The following NAV2 variants were observed in gnomAD, a reference collection of about 807,000 sequenced individuals.
The protein encoded by NAV2 is helicase, APC down-regulated 1.
A neutral mutation model predicts 223.2 loss-of-function variants in NAV2; 54 were observed. The ratio of observed to expected loss-of-function variants is 0.24; its 90% CI spans 0.19 to 0.30. The LOEUF (loss-of-function observed/expected upper bound fraction) is 0.30, where lower values mean the gene tolerates loss of function less well. Ranked by LOEUF, NAV2 falls within the 10% of genes least tolerant of loss-of-function variation. The probability of loss-of-function intolerance (pLI) is 1.00; values close to 1 mark genes in which losing one functional copy is unlikely to be tolerated. For missense variants in NAV2, 2,806 were observed against 3,147.5 expected (o/e 0.89, Z 2.60); for synonymous variants, 1,279 against 1,239.3 (o/e 1.03, Z -0.67).
Position 19,926,062 on chromosome 11 carries a change from C to G in NAV2, c.932-7114C>G, listed in dbSNP as rs370672280. ...CAAGATTGTTTTGATTTTTGGGGGTCCCTTGAGATTCCAATGAATTTTAGG... is the reference window on the plus strand; with the variant it reads ...CAAGATTGTTTTGATTTTTGGGGGTGCCTTGAGATTCCAATGAATTTTAGG... On this transcript the variant is annotated intron_variant, in intron 6 of 37. Transcript: ENST00000349880. 2.7e-4 allele frequency among the ~76,000 whole-genome samples: 41 copies of G among 152,032 alleles called. 1 individual carries two copies. In the South Asian group the frequency reaches 7.9e-3, roughly 29 times the overall value.
In NAV2 at chr11:19,877,471, T is replaced by TTTTTTTTTTCTTTCTTTTTTCTTTTC. The variant is rs1555114911; in HGVS notation, c.512-2389_512-2388insCTTTCTTTTTTCTTTTCTTTTTTTTT. 2.1e-3 allele frequency among the ~76,000 whole-genome samples: 222 copies of TTTTTTTTTTCTTTCTTTTTTCTTTTC among 105,386 alleles called. 6 individuals carry two copies. Among genetic ancestry groups the TTTTTTTTTTCTTTCTTTTTTCTTTTC allele is most frequent in the South Asian group, 0.017 (49 of 2,926 alleles). The allele number at this position is 105,386 out of a possible 152,430, so 69.1% of individuals were successfully genotyped here. A position where few individuals can be genotyped will look rare whatever the true frequency, so the allele number is the denominator to read the frequency against. ...GACCTTGCTTGGCTTATCTTCATTC[T>TTTTTTTTTTCTTTCTTTTTTCTTTTC]TTTTTTTTTTTTTTTTTTTGAGACA... is the stretch of plus-strand genomic sequence containing the variant. On this transcript the variant is annotated intron_variant, in intron 4 of 37. Transcript: ENST00000349880.
intron 1 of NAV2, among the ~76,000 whole-genome samples, chr11:19,415,354 A>G (rs1047968704): frequency 1.3e-5 from 2 of 152,252 alleles, no homozygotes; most frequent in Non-Finnish European, 1.5e-5. Flanking sequence ...GAAGAAATAG[A>G]TAAATTCCTG....
intron 1 of NAV2, among the ~76,000 whole-genome samples, chr11:19,812,057 G>A (rs1258834780): frequency 2.0e-5 from 3 of 152,188 alleles, no homozygotes; most frequent in African/African-American, 7.2e-5. Context: ...CCTTTCCATG[G>A]TCCTGTCCAC....
chr11:19,589,163 T>A (rs567515662), intron 1 of NAV2, among the ~76,000 whole-genome samples: 3 of 152,246 alleles, frequency 2.0e-5, no homozygotes, highest in Non-Finnish European at 4.4e-5. Context: ...ATTTCTTGGA[T>A]CCTAAGATGA....
chr11:19,466,468 C>T (rs1234878244), intron 1 of NAV2, among the ~76,000 whole-genome samples: 1 of 152,188 alleles, frequency 6.6e-6, no homozygotes, highest in African/African-American at 2.4e-5. Context: ...GTGCAGGTGC[C>T]AAAGCCAGCT....
rs1179652380 is a variant in NAV2, at chr11:19,797,367, T to C, written c.268-35117T>C. The stretch of plus-strand genomic sequence containing the variant: ...TTGCCATCCATTTCAGCTGCAGTTA[T>C]GTTCTCCACCTCCTCCCATCCCCAT... On this transcript the variant is annotated intron_variant, in intron 1 of 37. Coordinates refer to ENST00000349880, the MANE Select transcript of NAV2 (RefSeq NM_145117.5). Among the ~76,000 whole-genome samples, 5 of 152,198 alleles carry C rather than the reference T, an allele frequency of 3.3e-5. 1 individual carries two copies. Among genetic ancestry groups the C allele is most frequent in the Admixed American group, 3.3e-4 (5 of 15,278 alleles).
At position 19,914,028 on chromosome 11, in the gene NAV2, C is replaced by T. The variant is rs551551931; in HGVS notation, c.932-19148C>T. On this transcript the variant is annotated intron_variant, in intron 6 of 37. Coordinates refer to ENST00000349880, the MANE Select transcript of NAV2 (RefSeq NM_145117.5). ...GTCAGCTCCTACTAGCACATCAGAGCGAATTTTTTAATTTTCAGGAGTTTT... is the reference window on the plus strand; with the variant it reads ...GTCAGCTCCTACTAGCACATCAGAGTGAATTTTTTAATTTTCAGGAGTTTT... Among the ~76,000 whole-genome samples, 135 of 152,280 alleles carry T rather than the reference C, an allele frequency of 8.9e-4. 1 individual carries two copies. In the South Asian group the frequency reaches 0.024, roughly 27 times the overall value.
intron 37 of NAV2, among the ~76,000 whole-genome samples, chr11:20,115,631 C>CA (rs386373266): frequency 0.077 from 3,693 of 47,826 alleles, 699 homozygotes; most frequent in East Asian, 0.21. Context: ...GACTCCGTCT[C>CA]AAAAAAAAAA....
chr11:19,943,397 A>G (rs994185065), intron 8 of NAV2, among the ~76,000 whole-genome samples: 3 of 152,216 alleles, frequency 2.0e-5, no homozygotes, highest in Admixed American at 2.0e-4. Context: ...ACCACTTTTC[A>G]GATAAGAGAA....
chr11:20,053,719 C>T (rs1047790454), intron 17 of NAV2, among the ~76,000 whole-genome samples: 6 of 152,214 alleles, frequency 3.9e-5, no homozygotes, highest in African/African-American at 1.4e-4. Context: ...TCCCTCAAAG[C>T]TCTAACAGCA....
At chr11:19,393,556 C>T (rs1849325793) in intron 1 of NAV2, among the ~76,000 whole-genome samples, 1 of 152,134 alleles carries the variant, frequency 6.6e-6, no homozygotes, top group South Asian at 2.1e-4. Context: ...ATATGTGTGA[C>T]AATAAAATAT....
rs533498945 is a variant in NAV2 at position 19,420,655 on chromosome 11, A to T, written c.75+69628A>T. ...AAAGAAGCCAGACACAAGACTCCAT[A>T]CGTACGATTTCACTTCTATAAAGTT... On this transcript the variant is annotated intron_variant, in intron 1 of 37. Transcript: ENST00000360655. 2.6e-4 allele frequency among the ~76,000 whole-genome samples: 40 copies of T among 152,350 alleles called. 1 individual carries two copies. The highest frequency in any genetic ancestry group is 9.4e-4 in the African/African-American group (39 of 41,580).
intron 37 of NAV2, 48 bp from the exon 38 acceptor site, chr11:20,118,085 C>T (rs766745520): frequency 2.1e-5 from 33 of 1,602,176 alleles, no homozygotes; most frequent in Admixed American, 3.4e-5. Context: ...CCAGGGTGGG[C>T]GGCCAACTAG....
intron 1 of NAV2, among the ~76,000 whole-genome samples, chr11:19,735,743 G>A (rs1416869724): frequency 6.6e-6 from 1 of 152,222 alleles, no homozygotes; most frequent in Non-Finnish European, 1.5e-5. Flanking sequence ...AGGGACCAGA[G>A]CCATCTGGTG....
intron 12 of NAV2, among the ~76,000 whole-genome samples, chr11:20,038,549 C>T (rs533088269): frequency 5.3e-5 from 8 of 152,332 alleles, no homozygotes; most frequent in Non-Finnish European, 1.2e-4. Flanking sequence ...CTCCCATCCT[C>T]CTCCCTCATA....
intron 1 of NAV2, among the ~76,000 whole-genome samples, chr11:19,572,803 G>T (rs565172410): frequency 6.6e-6 from 1 of 152,216 alleles, no homozygotes; most frequent in Admixed American, 6.5e-5. Context: ...CCAGAATTTT[G>T]CCCAGCACAT....
At chr11:19,889,631 C>T (rs933642392) in intron 5 of NAV2, among the ~76,000 whole-genome samples, 26 of 152,184 alleles carry the variant, frequency 1.7e-4, no homozygotes, top group Non-Finnish European at 3.8e-4. Flanking sequence ...GCCATTTGAA[C>T]GATGTGCTGC....
rs569236006 is a variant in NAV2 at position 19,922,428 on chromosome 11, C to T, written c.932-10748C>T. ...CTTGAGCATGGTTTAGGGTCATCCT[C>T]GTCCTTTAGGGCAAACTATAGTTTC... On this transcript the variant is annotated intron_variant, in intron 6 of 37. Transcript: ENST00000349880. Among the ~76,000 whole-genome samples the T allele has an allele frequency of 5.3e-5, 8 of 152,260 alleles. No homozygotes were observed. In the East Asian group the frequency reaches 1.4e-3, roughly 26 times the overall value.
chr11:19,749,249 C>T (rs1283261877), intron 1 of NAV2, among the ~76,000 whole-genome samples: 2 of 152,172 alleles, frequency 1.3e-5, no homozygotes, highest in Non-Finnish European at 2.9e-5. Context: ...CTGGGACTCA[C>T]TGCGCCTTCA....
Sources: gnomAD v4.1 joint callset for allele counts (sites outside exome capture counted in the v4.1 genomes callset) on GRCh38, gnomAD v4.1.1 for gene constraint, MANE v1.5 for transcripts, NCBI Gene and HGNC (gene_info 2026-07-23, HGNC 2026-07-21) for gene names.